Variants in PTPRZ1 observed in about 807,000 individuals in gnomAD.
PTPRZ1 encodes receptor-type tyrosine-protein phosphatase zeta.
Under a neutral mutation model 214.1 loss-of-function variants are expected in PTPRZ1, and 82 were observed. That is an observed-to-expected ratio of 0.38 (90% CI 0.32 to 0.46). The LOEUF (loss-of-function observed/expected upper bound fraction) is 0.46. PTPRZ1 is among the 20% of genes least tolerant of loss of function. The pLI, the probability that PTPRZ1 is intolerant of heterozygous loss-of-function variation, is 1.00. For missense variants in PTPRZ1, 2,603 were observed against 2,748.7 expected (o/e 0.95, Z 1.19); for synonymous variants, 945 against 987.9 (o/e 0.96, Z 0.81).
At chr7:121,949,536 T>C (rs1796491908) in intron 2 of PTPRZ1, among the ~76,000 whole-genome samples, 1 of 152,210 alleles carries the variant, frequency 6.6e-6, no homozygotes, top group Non-Finnish European at 1.5e-5. Context: ...AAAAAGATTA[T>C]GGACAAATCG....
chr7:121,890,282 A>G (rs1339258768), intron 1 of PTPRZ1, among the ~76,000 whole-genome samples: 3 of 152,156 alleles, frequency 2.0e-5, no homozygotes, highest in Admixed American at 6.6e-5. Context: ...CTTTATCCCA[A>G]TAAATAACAA....
intron 23 of PTPRZ1, among the ~76,000 whole-genome samples, chr7:122,045,404 C>T (rs1426779003): frequency 9.2e-5 from 14 of 152,076 alleles, no homozygotes; most frequent in Non-Finnish European, 1.8e-4. Flanking sequence ...GCTTTGCTCC[C>T]CAGTCTACAG....
chr7:122,038,917 C>G (rs1226880054), intron 19 of PTPRZ1, 28 bp downstream of exon 19: 1 of 1,604,544 alleles, frequency 6.2e-7, no homozygotes, highest in Non-Finnish European at 8.5e-7. Context: ...TATGTCACCC[C>G]CAAAAAAGTA....
Position 122,061,493 on chromosome 7 carries a change from C to T in PTPRZ1, c.*273C>T, listed in dbSNP as rs1413846839. The T allele has an allele frequency of 9.4e-6, 2 of 212,450 alleles. No individual in the cohort carries two copies. The highest frequency in any genetic ancestry group is 4.6e-5 in the African/African-American group (2 of 43,688). 13.2% of individuals were successfully genotyped at this position (212,450 alleles called of 1,614,324 possible). On this transcript the variant is annotated 3_prime_UTR_variant, in exon 30 of 30. Coordinates refer to ENST00000393386, the MANE Select transcript of PTPRZ1 (RefSeq NM_002851.3). ...GTATTTTTTTCTGTATTGATTTTAA[C>T]AGAAAATTTCAATTTATAGAGGTTA...
chr7:122,013,748 T>A lies in PTPRZ1; in HGVS notation c.4702T>A (p.Phe1568Ile). ...SLNENETSTD[F>I]SFADTNEKDA... is the part of the protein sequence containing the mutation. ...TAATGAGAATGAGACTTCCACAGAT[T>A]TCAGTTTTGCAGACACTAATGAAAA... Residue 1568 changes from phenylalanine (F) to isoleucine (I), a missense_variant, in exon 12 of 30, where the codon TTC (phenylalanine) becomes ATC (isoleucine). Coordinates refer to ENST00000393386, the MANE Select transcript of PTPRZ1 (RefSeq NM_002851.3). 1 of 1,614,118 alleles carries A rather than the reference T, an allele frequency of 6.2e-7. No individual in the cohort carries two copies.
chr7:122,053,506 C>T (rs1191475833), intron 25 of PTPRZ1, among the ~76,000 whole-genome samples: 1 of 152,130 alleles, frequency 6.6e-6, no homozygotes, highest in Admixed American at 6.6e-5. Context: ...CAAAGTCCAA[C>T]TTATATTTAA....
chr7:122,040,988 C>A lies in PTPRZ1; in HGVS notation c.5801+9C>A. ...GTTGTCGTCCACTGCAGGTGAGTCTCAGAGATGTGCCTCTAAACCCATAGA... is the reference window on the plus strand; with the variant it reads ...GTTGTCGTCCACTGCAGGTGAGTCTAAGAGATGTGCCTCTAAACCCATAGA... On this transcript the variant is annotated intron_variant, in intron 21 of 29. Transcript: ENST00000393386. 2 of 1,523,430 alleles carry A rather than the reference C, an allele frequency of 1.3e-6. No individual in the cohort carries two copies. Among genetic ancestry groups the A allele is most frequent in the South Asian group, 2.5e-5 (2 of 79,060 alleles). The allele number at this position is 1,523,430 out of a possible 1,614,324, so 94.4% of individuals were successfully genotyped here. A position where few individuals can be genotyped will look rare whatever the true frequency, so the allele number is the denominator to read the frequency against.
intron 1 of PTPRZ1, among the ~76,000 whole-genome samples, chr7:121,889,948 C>G (rs1426416397): frequency 6.6e-6 from 1 of 152,186 alleles, no homozygotes; most frequent in Non-Finnish European, 1.5e-5. Flanking sequence ...ATCTCACTAG[C>G]CACATACATT....
intron 11 of PTPRZ1, among the ~76,000 whole-genome samples, chr7:122,008,814 C>T (rs943307173): frequency 1.3e-5 from 2 of 152,054 alleles, no homozygotes; most frequent in African/African-American, 4.8e-5. Context: ...AACTCTGCAT[C>T]ACATTATAAA....
chr7:121,917,337 T>G (rs1358507856), intron 1 of PTPRZ1, among the ~76,000 whole-genome samples: 1 of 152,114 alleles, frequency 6.6e-6, no homozygotes, highest in Non-Finnish European at 1.5e-5. Flanking sequence ...AGTGGGGAAA[T>G]GGTTCACCCT....
chr7:121,996,152 C>A (rs1798126673), intron 8 of PTPRZ1, among the ~76,000 whole-genome samples: 1 of 152,044 alleles, frequency 6.6e-6, no homozygotes, highest in African/African-American at 2.4e-5. Context: ...AGCATTTGAC[C>A]AAGACCTTTC....
intron 8 of PTPRZ1, among the ~76,000 whole-genome samples, chr7:121,987,347 G>A (rs1367795469): frequency 1.3e-5 from 2 of 152,096 alleles, no homozygotes; most frequent in African/African-American, 4.8e-5. Flanking sequence ...TTGCCTGCCC[G>A]TGCTCATCCT....
chr7:121,929,467 G>A (rs1795858910), intron 2 of PTPRZ1, among the ~76,000 whole-genome samples: 1 of 149,128 alleles, frequency 6.7e-6, no homozygotes, highest in South Asian at 2.1e-4. Flanking sequence ...TATTACTTCT[G>A]TGCTATAGAA....
chr7:121,902,769 A>G (rs1158673294), intron 1 of PTPRZ1, among the ~76,000 whole-genome samples: 2 of 152,040 alleles, frequency 1.3e-5, no homozygotes, highest in East Asian at 1.9e-4. Flanking sequence ...TCTTTTACCT[A>G]TTACAATCCA....
intron 4 of PTPRZ1, among the ~76,000 whole-genome samples, chr7:121,973,897 G>A (rs919044409): frequency 4.8e-5 from 6 of 125,074 alleles, no homozygotes; most frequent in Non-Finnish European, 9.4e-5. Flanking sequence ...TCACACCACT[G>A]CACTCCAGAC....
intron 8 of PTPRZ1, among the ~76,000 whole-genome samples, chr7:121,996,057 A>G (rs2116610194): frequency 6.6e-6 from 1 of 152,326 alleles, no homozygotes; most frequent in East Asian, 1.9e-4. Flanking sequence ...AAAGTATGCA[A>G]ATAATGCAGT....
chr7:121,964,084 T>C (rs1796966122), intron 2 of PTPRZ1, among the ~76,000 whole-genome samples: 1 of 152,200 alleles, frequency 6.6e-6, no homozygotes, highest in African/African-American at 2.4e-5. Context: ...CAAATTTTTT[T>C]GGTTATTTTT....
intron 2 of PTPRZ1, among the ~76,000 whole-genome samples, chr7:121,959,502 T>C (rs1796813173): frequency 6.6e-6 from 1 of 152,240 alleles, no homozygotes; most frequent in African/African-American, 2.4e-5. Flanking sequence ...ATTTTCAACA[T>C]GAGAAGTTGT....
chr7:121,896,739 C>T (rs1475755135), intron 1 of PTPRZ1, among the ~76,000 whole-genome samples: 1 of 151,188 alleles, frequency 6.6e-6, no homozygotes, highest in Non-Finnish European at 1.5e-5. Context: ...CGCCACTGCA[C>T]TCTAGCCTGG....
Sources: gnomAD v4.1 joint callset for allele counts (sites outside exome capture counted in the v4.1 genomes callset) on GRCh38, gnomAD v4.1.1 for gene constraint, MANE v1.5 for transcripts, NCBI Gene and HGNC (gene_info 2026-07-23, HGNC 2026-07-21) for gene names.